The following PDGFA variants were observed in gnomAD, a reference collection of about 807,000 sequenced individuals.
PDGFA encodes platelet derived growth factor subunit A.
PDGFA carries 9 observed loss-of-function variants against 25.6 expected under a neutral mutation model. The observed-to-expected ratio is 0.35, with a 90% CI of 0.21 to 0.61. The LOEUF (loss-of-function observed/expected upper bound fraction) is 0.61, where lower values mean the gene tolerates loss of function less well. PDGFA is among the 20% of genes least tolerant of loss of function. The pLI, the probability that PDGFA is intolerant of heterozygous loss-of-function variation, is 0.75. For synonymous variants in PDGFA, 133 were observed against 111.8 expected (o/e 1.19, Z -1.20); for missense variants, 242 against 272.8 (o/e 0.89, Z 0.79).
rs755044285 is a variant in PDGFA, at chr7:500,943, G to A, written c.580+173C>T. 2 of 1,592,878 alleles carry A rather than the reference G, an allele frequency of 1.3e-6. No individual in the cohort carries two copies. The highest frequency in any genetic ancestry group is 2.2e-5 in the East Asian group (1 of 44,652). ...CCCCACCGGACACCTGCAGGTGTGG[G>A]ATCCGTCTCCCCCGCAGGCATCTGG... is the stretch of plus-strand genomic sequence containing the variant. On this transcript the variant is annotated intron_variant, in intron 5 of 5. Transcript: ENST00000402802. This position sits in a 1 kb window ranked among gnomAD's most constrained non-coding sequence, Gnocchi z 5.0.
chr7:518,810 G>T (rs1783227271), intron 1 of PDGFA, 129 bp downstream of exon 1: 1 of 556,496 alleles, frequency 1.8e-6, no homozygotes, highest in Non-Finnish European at 3.0e-6. Flanking sequence ...AACCCAGTTG[G>T]GAAAATCTAA....
Position 510,234 on chromosome 7 carries a change from G to A in PDGFA, c.453+575C>T, listed in dbSNP as rs146662852. Reference sequence around the variant, plus strand: ...GCCAGAGCAGCAGAGCAGAAGCCCCGGCCGGCCCTGCCTTTCCCGCACCCC... The same window carrying A: ...GCCAGAGCAGCAGAGCAGAAGCCCCAGCCGGCCCTGCCTTTCCCGCACCCC... On this transcript the variant is annotated intron_variant, in intron 4 of 5. Transcript: ENST00000402802. Among the ~76,000 whole-genome samples, 17 of 152,190 alleles carry A rather than the reference G, an allele frequency of 1.1e-4. No homozygotes were observed. In the East Asian group the frequency reaches 1.8e-3, roughly 16 times the overall value.
In PDGFA at chr7:517,465, A is replaced by T; in HGVS notation, c.89T>A (p.Ile30Asn). The T allele has an allele frequency of 7.3e-7, 1 of 1,371,570 alleles. No homozygotes were observed. The highest frequency in any genetic ancestry group is 9.6e-7 in the Non-Finnish European group (1 of 1,047,010). The allele number at this position is 1,371,570 out of a possible 1,614,324, so 85.0% of individuals were successfully genotyped here. A position where few individuals can be genotyped will look rare whatever the true frequency, so the allele number is the denominator to read the frequency against. The change falls in exon 2 of 6, where the codon ATC becomes AAC. Residue 30 changes from isoleucine to asparagine, a missense_variant. Physicochemically the swap from Ile to Asn is moderately radical, Grantham distance 149. Transcript: ENST00000402802. The surrounding 1 kb of genome is among the most constrained non-coding windows in gnomAD (Gnocchi z 7.4). ...GATCTGACTGCGGGCCAGCCTCTCG[A>T]TCACCTCGCGGGGGATCTCGGCTTC...
chr7:498,376 A>G, exon 6 of PDGFA: 1 of 604,356 alleles, frequency 1.7e-6, no homozygotes, highest in Non-Finnish European at 3.0e-6. Context: ...CGAGTGCTAC[A>G]ATACTTGCTT....
chr7:500,326 A>G lies in PDGFA; in HGVS notation c.580+790T>C. ...CACCATCAAGGCCAATCAGGGCCAC[A>G]TCCCCGCCGCACCCGGCGAGACAGG... is the stretch of plus-strand genomic sequence containing the variant. On this transcript the variant is annotated intron_variant, in intron 5 of 5. Coordinates refer to ENST00000402802, the Ensembl canonical transcript of PDGFA. This position sits in a 1 kb window ranked among gnomAD's most constrained non-coding sequence, Gnocchi z 5.0. 7.8e-7 allele frequency: 1 copy of G among 1,279,054 alleles called. No homozygotes were observed. The highest frequency in any genetic ancestry group is 1.3e-5 in the South Asian group (1 of 78,300). The allele number at this position is 1,279,054 out of a possible 1,614,324, so 79.2% of individuals were successfully genotyped here. A position where few individuals can be genotyped will look rare whatever the true frequency, so the allele number is the denominator to read the frequency against.
chr7:498,298 TGTGGTTTTGTTTTCTCTCTCTCTTTCTC>T, exon 6 of PDGFA: 1 of 516,994 alleles, frequency 1.9e-6, no homozygotes, highest in Non-Finnish European at 3.4e-6. Context: ...TTTTGTCATT[TGTGGTTTTGTTTTCTCTCTCTCTTTCTC>T]TCTCTCTCTT....
In PDGFA at chr7:500,369, G is replaced by A. The variant is rs1782272441; in HGVS notation, c.580+747C>T. Reference sequence around the variant, plus strand: ...GAGACAGGAAGCGTGATTTGCTGGTGTGATCAGTCAGTTGCACCTCCCCGC... The same window carrying A: ...GAGACAGGAAGCGTGATTTGCTGGTATGATCAGTCAGTTGCACCTCCCCGC... On this transcript the variant is annotated intron_variant, in intron 5 of 5. Coordinates refer to ENST00000402802, the Ensembl canonical transcript of PDGFA. This position sits in a 1 kb window ranked among gnomAD's most constrained non-coding sequence, Gnocchi z 5.0. The A allele has an allele frequency of 1.9e-6, 3 of 1,551,806 alleles. No homozygotes were observed. The highest frequency in any genetic ancestry group is 2.2e-5 in the East Asian group (1 of 44,528).
At chr7:501,796 G>T (rs1247120943) in intron 4 of PDGFA, among the ~76,000 whole-genome samples, 1 of 152,166 alleles carries the variant, frequency 6.6e-6, no homozygotes, top group Non-Finnish European at 1.5e-5. Flanking sequence ...GTGCCTGGGG[G>T]GGCTGAAGGA....
chr7:502,327 C>T (rs1193849134), intron 4 of PDGFA, among the ~76,000 whole-genome samples: 3 of 151,566 alleles, frequency 2.0e-5, no homozygotes, highest in African/African-American at 4.9e-5. Flanking sequence ...ATGATAATCC[C>T]AGCTGCTGGC....
chr7:520,060 AGCCCCGCGCCCG>A (rs1257979108), upstream of PDGFA: 2 of 397,700 alleles, frequency 5.0e-6, no homozygotes, highest in Non-Finnish European at 1.0e-5. Flanking sequence ...AATCCATCAA[AGCCCCGCGCCCG>A]GCTCCGCGCC....
upstream of PDGFA, chr7:520,016 G>A (rs1242852489): frequency 2.6e-6 from 1 of 384,408 alleles, no homozygotes; most frequent in South Asian, 1.8e-5. Context: ...CGCCGCCGCG[G>A]CAGGGAGCAC....
In PDGFA at chr7:505,027, C is replaced by T. The variant is rs972371273; in HGVS notation, c.454-3785G>A. ...GTTTTTATCAAACAAAAACAAACAG[C>T]GATGATTGCACCTGTTTCTGAGTAT... On this transcript the variant is annotated intron_variant, in intron 4 of 5. Transcript: ENST00000402802. Among the ~76,000 whole-genome samples the T allele has an allele frequency of 2.0e-5, 3 of 152,230 alleles. No individual in the cohort carries two copies. The East Asian group carries it at 5.8e-4, about 29-fold the overall frequency.
chr7:512,830 C>T (rs1008695288), intron 2 of PDGFA: 2 of 373,338 alleles, frequency 5.4e-6, no homozygotes, highest in South Asian at 2.3e-5. Context: ...GGCCTGAGGC[C>T]GCCCAGCTCC....
At position 501,034 on chromosome 7, in the gene PDGFA, C is replaced by T. The variant is rs572941099; in HGVS notation, c.580+82G>A. On this transcript the variant is annotated intron_variant, in intron 5 of 5. Coordinates refer to ENST00000402802, the Ensembl canonical transcript of PDGFA. The stretch of plus-strand genomic sequence containing the variant: ...TGCTCACAGCAGTAAGCGTTGCGCT[C>T]AAGGGGGCCACCTAACACCCCAAAA... 2.0e-5 allele frequency: 33 copies of T among 1,612,100 alleles called. No homozygotes were observed. In the South Asian group the frequency reaches 3.4e-4, roughly 17 times the overall value.
intron 5 of PDGFA, among the ~76,000 whole-genome samples, chr7:499,675 G>A (rs1012201175): frequency 9.3e-5 from 13 of 140,190 alleles, no homozygotes; most frequent in African/African-American, 3.4e-4. Flanking sequence ...AAAAGTCACT[G>A]GGTGGGATTT....
intron 4 of PDGFA, among the ~76,000 whole-genome samples, chr7:504,846 G>A (rs967919927): frequency 2.6e-5 from 4 of 152,320 alleles, no homozygotes; most frequent in East Asian, 1.9e-4. Context: ...ACGCCCAGGC[G>A]AGGGGCAGGC....
chr7:511,464 G>A lies in PDGFA; in HGVS notation c.266-468C>T, dbSNP rs556278637. 2.7e-5 allele frequency among the ~76,000 whole-genome samples: 4 copies of A among 149,512 alleles called. 1 individual carries two copies. The South Asian group carries it at 8.8e-4, about 33-fold the overall frequency. On this transcript the variant is annotated intron_variant, in intron 3 of 5. Transcript: ENST00000402802. ...CTTAACAGTGAATCCTACAGCACTT[G>A]CTGCATGCTCTAGCCTTCAAAAGTG...
chr7:504,745 G>C (rs1782487491), intron 4 of PDGFA, among the ~76,000 whole-genome samples: 1 of 152,248 alleles, frequency 6.6e-6, no homozygotes, highest in South Asian at 2.1e-4. Context: ...AGCCTCTTTG[G>C]TCAACAAGCA....
chr7:518,862 G>T, intron 1 of PDGFA, 77 bp downstream of exon 1: 2 of 964,756 alleles, frequency 2.1e-6, no homozygotes, highest in Non-Finnish European at 3.0e-6. Context: ...TCTCTGCAGA[G>T]CCCGTGGCGC....
Sources: gnomAD v4.1 joint callset for allele counts (sites outside exome capture counted in the v4.1 genomes callset) on GRCh38, gnomAD v4.1.1 for gene constraint, Gnocchi (gnomAD v3.1) non-coding constraint, MANE v1.5 for transcripts, NCBI Gene and HGNC (gene_info 2026-07-23, HGNC 2026-07-21) for gene names.